The following NKAIN2 variants were observed in gnomAD, a reference collection of about 807,000 sequenced individuals.
NKAIN2 encodes sodium/potassium-transporting ATPase subunit beta-1-interacting protein 2.
In NKAIN2, 14 loss-of-function variants were observed where a neutral mutation model predicts 32.6. The ratio of observed to expected loss-of-function variants is 0.43; its 90% CI spans 0.28 to 0.67. NKAIN2 has a LOEUF of 0.67. Among genes scored for constraint, NKAIN2 ranks in the 30% least tolerant of loss-of-function variants. The probability of loss-of-function intolerance (pLI) is 0.17; values close to 1 mark genes in which losing one functional copy is unlikely to be tolerated. For synonymous variants in NKAIN2, 80 were observed against 87.2 expected (o/e 0.92, Z 0.46); for missense variants, 198 against 258.3 (o/e 0.77, Z 1.60).
chr6:124,463,891 T>A (rs150855067), intron 3 of NKAIN2, among the ~76,000 whole-genome samples: 2 of 152,272 alleles, frequency 1.3e-5, no homozygotes, highest in East Asian at 3.9e-4. Context: ...ATATGATCTT[T>A]AGAAATGTCT....
At chr6:124,722,190 T>A (rs1389649034) in intron 4 of NKAIN2, among the ~76,000 whole-genome samples, 2 of 152,236 alleles carry the variant, frequency 1.3e-5, no homozygotes, top group East Asian at 3.8e-4. Flanking sequence ...TTCCATTGTA[T>A]AACAGAAATT....
intron 1 of NKAIN2, among the ~76,000 whole-genome samples, chr6:124,053,150 A>G (rs1014647671): frequency 6.6e-6 from 1 of 151,962 alleles, no homozygotes; most frequent in Non-Finnish European, 1.5e-5. Flanking sequence ...ACATAGGCAA[A>G]CTTGCATCAT....
intron 1 of NKAIN2, among the ~76,000 whole-genome samples, chr6:123,863,621 C>G (rs1272646720): frequency 6.6e-6 from 1 of 151,546 alleles, no homozygotes; most frequent in South Asian, 2.1e-4. Context: ...TATTCAGGCC[C>G]TCTTGGCCTG....
intron 1 of NKAIN2, among the ~76,000 whole-genome samples, chr6:124,151,121 A>G (rs2114392236): frequency 6.6e-6 from 1 of 152,074 alleles, no homozygotes; most frequent in South Asian, 2.1e-4. Flanking sequence ...TTCCTAATAG[A>G]AGATTGATTA....
At chr6:124,502,545 G>A (rs540781860) in intron 3 of NKAIN2, among the ~76,000 whole-genome samples, 1 of 152,108 alleles carries the variant, frequency 6.6e-6, no homozygotes, top group Non-Finnish European at 1.5e-5. Flanking sequence ...ATTTCCCAGT[G>A]TTTTCTGAGT....
chr6:124,145,784 C>A (rs1284622665), intron 1 of NKAIN2, among the ~76,000 whole-genome samples: 2 of 152,034 alleles, frequency 1.3e-5, no homozygotes, highest in Non-Finnish European at 2.9e-5. Context: ...GGATTACCGG[C>A]GTGGACCACC....
chr6:124,254,540 C>T (rs1258504756), intron 1 of NKAIN2, among the ~76,000 whole-genome samples: 1 of 151,814 alleles, frequency 6.6e-6, no homozygotes, highest in Non-Finnish European at 1.5e-5. Context: ...TTATAAAAAC[C>T]AAAATAATGG....
intron 1 of NKAIN2, among the ~76,000 whole-genome samples, chr6:124,102,417 G>A (rs1025706307): frequency 6.6e-6 from 1 of 152,194 alleles, no homozygotes; most frequent in Non-Finnish European, 1.5e-5. Flanking sequence ...CTTGGAAAAC[G>A]AATAGTCTCA....
intron 5 of NKAIN2, among the ~76,000 whole-genome samples, chr6:124,811,409 G>A (rs948591355): frequency 6.6e-6 from 1 of 152,086 alleles, no homozygotes; most frequent in Non-Finnish European, 1.5e-5. Flanking sequence ...ACAGTTTTAA[G>A]TTTGCTGAAC....
chr6:124,651,262 G>A (rs928842188), intron 3 of NKAIN2, among the ~76,000 whole-genome samples: 2 of 152,184 alleles, frequency 1.3e-5, no homozygotes, highest in Non-Finnish European at 2.9e-5. Flanking sequence ...TCACAGGATA[G>A]GGTGTCATGA....
intron 3 of NKAIN2, among the ~76,000 whole-genome samples, chr6:124,521,928 A>G (rs1779132549): frequency 6.6e-6 from 1 of 151,292 alleles, no homozygotes; most frequent in South Asian, 2.1e-4. Flanking sequence ...AATCATTTCC[A>G]CCCTCTTTAA....
chr6:124,747,681 C>T (rs1045457324), intron 4 of NKAIN2, among the ~76,000 whole-genome samples: 2 of 151,590 alleles, frequency 1.3e-5, no homozygotes, highest in African/African-American at 2.4e-5. Context: ...GATGAATAGT[C>T]GCATACATTT....
At chr6:124,143,205 T>TG (rs1378596849) in intron 1 of NKAIN2, among the ~76,000 whole-genome samples, 1 of 152,188 alleles carries the variant, frequency 6.6e-6, no homozygotes, top group African/African-American at 2.4e-5. Context: ...ATGCCTAATA[T>TG]CCCAGCAATT....
chr6:124,215,297 C>G (rs1353060770), intron 1 of NKAIN2, among the ~76,000 whole-genome samples: 1 of 151,990 alleles, frequency 6.6e-6, no homozygotes, highest in African/African-American at 2.4e-5. Flanking sequence ...ATTAGAAGGT[C>G]ATTTAGGCGA....
chr6:123,955,041 G>A (rs1368596119), intron 1 of NKAIN2, among the ~76,000 whole-genome samples: 2 of 151,808 alleles, frequency 1.3e-5, no homozygotes, highest in Non-Finnish European at 2.9e-5. Context: ...GAGAGAAATA[G>A]GGATAAAGGA....
At position 124,720,315 on chromosome 6, in the gene NKAIN2, T is replaced by C. The variant is rs149291505; in HGVS notation, c.474+61929T>C. The stretch of plus-strand genomic sequence containing the variant: ...TCCTCTTTAGGATTCACTAGACTTA[T>C]TGGGGATATCTCACCTTTACCCGCA... On this transcript the variant is annotated intron_variant, in intron 4 of 6. Transcript: ENST00000368417. Among the ~76,000 whole-genome samples, 808 of 152,340 alleles carry C rather than the reference T, an allele frequency of 5.3e-3. 3 individuals are homozygous for C. Among genetic ancestry groups the C allele is most frequent in the Non-Finnish European group, 9.6e-3 (653 of 68,030 alleles).
intron 1 of NKAIN2, among the ~76,000 whole-genome samples, chr6:123,864,439 A>G (rs1179027645): frequency 6.6e-6 from 1 of 152,222 alleles, no homozygotes; most frequent in Non-Finnish European, 1.5e-5. Flanking sequence ...CTGAAGATAC[A>G]GAAGTGAACA....
At chr6:124,011,375 A>G (rs77218416) in intron 1 of NKAIN2, among the ~76,000 whole-genome samples, 1 of 149,802 alleles carries the variant, frequency 6.7e-6, no homozygotes, top group East Asian at 1.9e-4. Context: ...TAAAGTGCAT[A>G]TTCCCAAGTC....
At chr6:124,651,924 A>T (rs1355221332) in intron 3 of NKAIN2, among the ~76,000 whole-genome samples, 2 of 152,168 alleles carry the variant, frequency 1.3e-5, no homozygotes, top group Non-Finnish European at 2.9e-5. Context: ...TCTTTCCTAA[A>T]AAAGGTCTTT....
Sources: gnomAD v4.1 joint callset for allele counts (sites outside exome capture counted in the v4.1 genomes callset) on GRCh38, gnomAD v4.1.1 for gene constraint, MANE v1.5 for transcripts, NCBI Gene and HGNC (gene_info 2026-07-23, HGNC 2026-07-21) for gene names.